Variants in APCDD1 observed in about 807,000 individuals in gnomAD.
The protein encoded by APCDD1 is APC down-regulated 1.
Under a neutral mutation model 38.1 loss-of-function variants are expected in APCDD1, and 15 were observed. That is an observed-to-expected ratio of 0.39 (90% CI 0.26 to 0.61). The LOEUF (loss-of-function observed/expected upper bound fraction) is 0.61. APCDD1 is among the 20% of genes least tolerant of loss of function. APCDD1 has a pLI of 0.49. For missense variants in APCDD1, 647 were observed against 696.2 expected (o/e 0.93, Z 0.79); for synonymous variants, 261 against 279.7 (o/e 0.93, Z 0.67).
At chr18:10,462,945 A>G (rs1199413230) in intron 1 of APCDD1, among the ~76,000 whole-genome samples, 5 of 152,050 alleles carry the variant, frequency 3.3e-5, no homozygotes, top group African/African-American at 1.2e-4. Flanking sequence ...GATTTTTCCA[A>G]AATAAAATTC....
At position 10,454,892 on chromosome 18, in the gene APCDD1, C is replaced by A; in HGVS notation, c.-90C>A. The A allele has an allele frequency of 2.3e-6, 3 of 1,332,652 alleles. No homozygotes were observed. Among genetic ancestry groups the A allele is most frequent in the Non-Finnish European group, 2.9e-6 (3 of 1,033,866 alleles). 82.6% of individuals were successfully genotyped at this position (1,332,652 alleles called of 1,614,324 possible). A position where few individuals can be genotyped will look rare whatever the true frequency, so the allele number is the denominator to read the frequency against. On this transcript the variant is annotated 5_prime_UTR_variant, in exon 1 of 5. Coordinates refer to ENST00000355285, the MANE Select transcript of APCDD1 (RefSeq NM_153000.5). ...AGCCCCGGCCTGGCCCGGCCGCACC[C>A]GGCCGGAGGCGGAGGGCAGAGCGCG...
chr18:10,454,721 G>A lies in APCDD1; in HGVS notation c.-261G>A. On this transcript the variant is annotated 5_prime_UTR_variant, in exon 1 of 5. Transcript: ENST00000355285. Reference sequence around the variant, plus strand: ...CGGCCGGGGCGGGACGCGGGGCCGGGCGCGGAGAAGTCGGGGCGGGCGGCA... The same window carrying A: ...CGGCCGGGGCGGGACGCGGGGCCGGACGCGGAGAAGTCGGGGCGGGCGGCA... 1.0e-6 allele frequency: 1 copy of A among 982,698 alleles called. No homozygotes were observed. Among genetic ancestry groups the A allele is most frequent in the Non-Finnish European group, 1.2e-6 (1 of 829,286 alleles). The allele number at this position is 982,698 out of a possible 1,614,324, so 60.9% of individuals were successfully genotyped here.
intron 3 of APCDD1, among the ~76,000 whole-genome samples, chr18:10,478,801 TC>T (rs1362833828): frequency 4.6e-5 from 7 of 152,146 alleles, no homozygotes; most frequent in Non-Finnish European, 1.0e-4. Context: ...TTCACCCACT[TC>T]CTTCTGAAAG....
chr18:10,478,652 A>AC (rs1357561033), intron 3 of APCDD1, among the ~76,000 whole-genome samples: 3 of 151,860 alleles, frequency 2.0e-5, no homozygotes, highest in African/African-American at 7.3e-5. Context: ...TGACCTAGTC[A>AC]CCCCCCACAG....
intron 3 of APCDD1, among the ~76,000 whole-genome samples, chr18:10,479,171 CAAAG>C (rs2031076998): frequency 6.6e-6 from 1 of 152,240 alleles, no homozygotes; most frequent in South Asian, 2.1e-4. Flanking sequence ...ATCGCAGTTA[CAAAG>C]AAAGTTTTCA....
At chr18:10,480,844 G>A (rs576087015) in intron 3 of APCDD1, among the ~76,000 whole-genome samples, 7 of 151,328 alleles carry the variant, frequency 4.6e-5, no homozygotes, top group Admixed American at 4.6e-4. Context: ...CTCCAACCTG[G>A]GCAACCCCCA....
chr18:10,486,598 C>T (rs1469012064), intron 4 of APCDD1, among the ~76,000 whole-genome samples: 2 of 152,140 alleles, frequency 1.3e-5, no homozygotes, highest in Non-Finnish European at 2.9e-5. Flanking sequence ...TGGGAAGGTT[C>T]AGGCTGTGTC....
chr18:10,480,061 A>C (rs557112256), intron 3 of APCDD1, among the ~76,000 whole-genome samples: 22 of 152,310 alleles, frequency 1.4e-4, no homozygotes, highest in Admixed American at 7.8e-4. Context: ...CCTCTGCTTT[A>C]ACCTTCAAAT....
chr18:10,477,326 T>G (rs1476525191), intron 3 of APCDD1: 2 of 152,202 alleles, frequency 1.3e-5, no homozygotes, highest in East Asian at 3.8e-4. Flanking sequence ...CAGCAAATGT[T>G]GCACAATTCT....
chr18:10,483,007 G>C (rs2031173809), intron 3 of APCDD1, among the ~76,000 whole-genome samples: 1 of 152,226 alleles, frequency 6.6e-6, no homozygotes, highest in African/African-American at 2.4e-5. Context: ...CACCAAGTGG[G>C]TGCACTGAGT....
chr18:10,471,663 G>C lies in APCDD1; in HGVS notation c.376G>C (p.Gly126Arg), dbSNP rs756242200. The C allele has an allele frequency of 1.9e-6, 3 of 1,613,996 alleles. No individual in the cohort carries two copies. Among genetic ancestry groups the C allele is most frequent in the Non-Finnish European group, 2.5e-6 (3 of 1,180,034 alleles). The change falls in exon 3 of 5, where the codon GGC (glycine) becomes CGC (arginine). Residue 126 changes from glycine (G) to arginine (R), a missense_variant. Gly to Arg is a moderately radical substitution (Grantham distance 125). Transcript: ENST00000355285. This position sits in a 1 kb window ranked among gnomAD's most constrained non-coding sequence, Gnocchi z 5.5. The part of the protein sequence containing the change: ...TNPTYTLIIR[G>R]KIRLRQASWI... ...TCCCACTTATACTCTCATCATCCGG[G>C]GCAAGATCCGCCTCCGCCAGGCCTC...
intron 1 of APCDD1, among the ~76,000 whole-genome samples, chr18:10,457,871 A>C (rs1456277514): frequency 6.6e-6 from 1 of 152,228 alleles, no homozygotes; most frequent in African/African-American, 2.4e-5. Context: ...TTAAGACTGC[A>C]AATGTGGTGC....
At chr18:10,462,824 T>C (rs1300102501) in intron 1 of APCDD1, among the ~76,000 whole-genome samples, 1 of 152,198 alleles carries the variant, frequency 6.6e-6, no homozygotes, top group African/African-American at 2.4e-5. Context: ...TTTATCTTTC[T>C]CATTTATCCA....
intron 3 of APCDD1, among the ~76,000 whole-genome samples, chr18:10,482,617 G>C (rs1016787229): frequency 6.6e-6 from 1 of 152,226 alleles, no homozygotes; most frequent in Admixed American, 6.5e-5. Flanking sequence ...CATCACAAGA[G>C]AACACCACCT....
At chr18:10,487,470 G>T in intron 4 of APCDD1, 120 bp from the exon 5 acceptor site, 1 of 979,122 alleles carries the variant, frequency 1.0e-6, no homozygotes. Context: ...GTCTGTAGGT[G>T]GGATTGTTTT....
intron 3 of APCDD1, among the ~76,000 whole-genome samples, chr18:10,473,026 A>G (rs978843242): frequency 2.0e-5 from 3 of 152,032 alleles, no homozygotes; most frequent in Non-Finnish European, 4.4e-5. Context: ...GGCCGTCCCC[A>G]TTGACTTCGT....
chr18:10,479,528 C>T (rs1440448039), intron 3 of APCDD1, among the ~76,000 whole-genome samples: 1 of 152,216 alleles, frequency 6.6e-6, no homozygotes, highest in Non-Finnish European at 1.5e-5. Flanking sequence ...CATCAGTCAT[C>T]AGCCGGAGAA....
chr18:10,485,628 T>C lies in APCDD1; in HGVS notation c.941T>C (p.Ile314Thr), dbSNP rs200699860. 3.1e-5 allele frequency: 50 copies of C among 1,614,158 alleles called. No individual in the cohort carries two copies. The highest frequency in any genetic ancestry group is 4.1e-5 in the Non-Finnish European group (48 of 1,180,036). The change falls in exon 4 of 5, where the codon ATC (isoleucine) becomes ACC (threonine). Residue 314 changes from isoleucine to threonine, a missense_variant. Transcript: ENST00000355285. This position sits in a 1 kb window ranked among gnomAD's most constrained non-coding sequence, Gnocchi z 5.8. The stretch of plus-strand genomic sequence containing the variant: ...GTCCTCTTCCTCACCCGCCACTTCA[T>C]CTTCCATGACAACAACAACACCTGG... ...PEVLFLTRHFIFHDNNNTWEG... is the reference protein window; with the variant it reads ...PEVLFLTRHFTFHDNNNTWEG...
At position 10,476,796 on chromosome 18, in the gene APCDD1, C is replaced by T. The variant is rs565244208; in HGVS notation, c.774+4735C>T. 1 of 152,356 alleles carries T rather than the reference C, an allele frequency of 6.6e-6. No individual in the cohort carries two copies. The highest frequency in any genetic ancestry group is 6.5e-5 in the Admixed American group (1 of 15,300). 9.4% of individuals were successfully genotyped at this position (152,356 alleles called of 1,614,324 possible). A position where few individuals can be genotyped will look rare whatever the true frequency, so the allele number is the denominator to read the frequency against. On this transcript the variant is annotated intron_variant, in intron 3 of 4. Transcript: ENST00000355285. The surrounding 1 kb of genome is among the most constrained non-coding windows in gnomAD (Gnocchi z 5.8). ...GAGCTACACACGGGAGGGAGAAAAGCACCGGGCTTTGGGAGTACCTGAGAA... is the reference window on the plus strand; with the variant it reads ...GAGCTACACACGGGAGGGAGAAAAGTACCGGGCTTTGGGAGTACCTGAGAA...
Sources: gnomAD v4.1 joint callset for allele counts (sites outside exome capture counted in the v4.1 genomes callset) on GRCh38, gnomAD v4.1.1 for gene constraint, Gnocchi (gnomAD v3.1) non-coding constraint, MANE v1.5 for transcripts, NCBI Gene and HGNC (gene_info 2026-07-23, HGNC 2026-07-21) for gene names.